The following CSNK1G1 variants were observed in gnomAD, a reference collection of about 807,000 sequenced individuals.
CSNK1G1 encodes casein kinase 1 gamma 1.
A neutral mutation model predicts 59.6 loss-of-function variants in CSNK1G1; 22 were observed. That is an observed-to-expected ratio of 0.37 (90% confidence interval 0.26 to 0.53). The LOEUF is 0.53. Among genes scored for constraint, CSNK1G1 ranks in the 20% least tolerant of loss-of-function variants. The pLI is 0.89. For missense variants in CSNK1G1, 384 were observed against 519.5 expected (o/e 0.74, Z 2.54); for synonymous variants, 179 against 177.1 (o/e 1.01, Z -0.08).
intron 6 of CSNK1G1, 52 bp from the exon 7 acceptor site, chr15:64,207,646 G>C: frequency 6.9e-7 from 1 of 1,449,298 alleles, no homozygotes; most frequent in Non-Finnish European, 9.7e-7. Flanking sequence ...AAAGCAGAAA[G>C]AGGTTCAAAA....
At chr15:64,231,190 G>A (rs1268603201) in intron 4 of CSNK1G1, among the ~76,000 whole-genome samples, 2 of 139,280 alleles carry the variant, frequency 1.4e-5, no homozygotes, top group Non-Finnish European at 3.0e-5. Flanking sequence ...AGTTGAGCGT[G>A]TGATGTATGC....
intron 5 of CSNK1G1, among the ~76,000 whole-genome samples, chr15:64,215,183 T>C (rs1209969907): frequency 6.6e-6 from 1 of 150,600 alleles, no homozygotes; most frequent in African/African-American, 2.4e-5. Flanking sequence ...AGTATTTCTA[T>C]CTACTAAGCT....
At chr15:64,196,597 G>A (rs1360275195) in intron 10 of CSNK1G1, among the ~76,000 whole-genome samples, 2 of 152,008 alleles carry the variant, frequency 1.3e-5, no homozygotes, top group Admixed American at 6.5e-5. Flanking sequence ...GATTACAGGC[G>A]GGCACCACCA....
chr15:64,173,082 C>G (rs1168447973), intron 11 of CSNK1G1, among the ~76,000 whole-genome samples: 1 of 152,134 alleles, frequency 6.6e-6, no homozygotes, highest in Non-Finnish European at 1.5e-5. Context: ...CTTGCTAGAT[C>G]CTTGAAAGAA....
At chr15:64,301,792 CAGG>C (rs1404623185) in intron 1 of CSNK1G1, among the ~76,000 whole-genome samples, 1 of 151,906 alleles carries the variant, frequency 6.6e-6, no homozygotes, top group Non-Finnish European at 1.5e-5. Flanking sequence ...GAGGCTGAGG[CAGG>C]AGAATAGCTT....
Position 64,300,444 on chromosome 15 carries a change from G to T in CSNK1G1, c.56C>A (p.Ala19Glu). 1 of 1,614,170 alleles carries T rather than the reference G, an allele frequency of 6.2e-7. No homozygotes were observed. Among genetic ancestry groups the T allele is most frequent in the Non-Finnish European group, 8.5e-7 (1 of 1,180,030 alleles). Reference protein sequence around the residue: ...DERQRTTKPMAQRSAHCSRPS... With the variant: ...DERQRTTKPMEQRSAHCSRPS... ...TCGAGAGCAGTGTGCACTCCTTTGT[G>T]CCATGGGTTTAGTTGTCCGTTGTCT... is the stretch of plus-strand genomic sequence containing the variant. Residue 19 changes from alanine to glutamate, a missense_variant, in exon 2 of 12, where the codon GCA becomes GAA. Coordinates refer to ENST00000303052, the MANE Select transcript of CSNK1G1 (RefSeq NM_022048.5).
chr15:64,227,546 T>G (rs1445656376), intron 4 of CSNK1G1, among the ~76,000 whole-genome samples: 1 of 152,216 alleles, frequency 6.6e-6, no homozygotes. Flanking sequence ...ATGAGACATC[T>G]AAATCATCTA....
chr15:64,198,130 G>A (rs2082059675), intron 10 of CSNK1G1, among the ~76,000 whole-genome samples: 1 of 150,682 alleles, frequency 6.6e-6, no homozygotes, highest in African/African-American at 2.4e-5. Flanking sequence ...CTGTCCATTT[G>A]GCTTATCTAC....
At chr15:64,350,209 A>G (rs1467627738) in intron 1 of CSNK1G1, among the ~76,000 whole-genome samples, 1 of 152,204 alleles carries the variant, frequency 6.6e-6, no homozygotes, top group Non-Finnish European at 1.5e-5. Flanking sequence ...AAATGGTTTT[A>G]TCGGCTGGTC....
intron 2 of CSNK1G1, among the ~76,000 whole-genome samples, chr15:64,286,979 CAT>C (rs1172191636): frequency 6.6e-6 from 1 of 152,104 alleles, no homozygotes; most frequent in Non-Finnish European, 1.5e-5. Context: ...TTTCTGGTAA[CAT>C]GTAATTATAT....
intron 1 of CSNK1G1, among the ~76,000 whole-genome samples, chr15:64,340,867 G>A (rs1389602522): frequency 6.6e-6 from 1 of 152,168 alleles, no homozygotes; most frequent in Non-Finnish European, 1.5e-5. Flanking sequence ...TGAGGTGGGA[G>A]GATCACTTAA....
rs1048394950 is a variant in CSNK1G1, at chr15:64,207,536, T to G, written c.738A>C (p.Arg246=). The G allele has an allele frequency of 1.9e-6, 3 of 1,613,912 alleles. No homozygotes were observed. The highest frequency in any genetic ancestry group is 2.5e-6 in the Non-Finnish European group (3 of 1,179,930). Residue 246 remains arginine (R), a synonymous_variant, in exon 7 of 12, where the codon CGA becomes CGC. Coordinates refer to ENST00000303052, the MANE Select transcript of CSNK1G1 (RefSeq NM_022048.5). ...TGAGTCCTTGCCAGGGGAGGCTGCC[T>G]CGAAGGAAATACATGAACATATGGC... ...ALGHMFMYFL[R]GSLPWQGLKA... is the part of the protein sequence containing the mutation.
Position 64,204,588 on chromosome 15 carries a change from C to T in CSNK1G1, c.852G>A (p.Glu284=), listed in dbSNP as rs775404791. The T allele has an allele frequency of 1.2e-6, 2 of 1,612,564 alleles. No homozygotes were observed. Among genetic ancestry groups the T allele is most frequent in the Non-Finnish European group, 1.7e-6 (2 of 1,179,570 alleles). ...CATATCGAAGGTAGGTTGCCATCTC[C>T]TCTGTTAGGAAAGAGATGAAAGGCC... ...PIEALCENFP[E]EMATYLRYVR... The change falls in exon 9 of 12, where the codon GAG becomes GAA. Residue 284 remains glutamate (E), a splice_region_variant and synonymous_variant. Coordinates refer to ENST00000303052, the MANE Select transcript of CSNK1G1 (RefSeq NM_022048.5).
At chr15:64,205,493 T>G (rs1451459709) in intron 7 of CSNK1G1, among the ~76,000 whole-genome samples, 2 of 152,152 alleles carry the variant, frequency 1.3e-5, no homozygotes, top group African/African-American at 4.8e-5. Context: ...ACAGGTTTGG[T>G]GTATGTCAGT....
chr15:64,285,385 C>A (rs1894353852), intron 2 of CSNK1G1, among the ~76,000 whole-genome samples: 3 of 151,938 alleles, frequency 2.0e-5, no homozygotes, highest in Non-Finnish European at 4.4e-5. Context: ...ATTGCCCAAA[C>A]CAACAAAACA....
At chr15:64,226,667 A>G (rs746440899) in intron 4 of CSNK1G1, among the ~76,000 whole-genome samples, 10 of 152,142 alleles carry the variant, frequency 6.6e-5, no homozygotes, top group Admixed American at 2.0e-4. Flanking sequence ...ATGAGATTAA[A>G]AAATCCAGTA....
At chr15:64,344,725 C>G (rs908233898) in intron 1 of CSNK1G1, among the ~76,000 whole-genome samples, 1 of 152,210 alleles carries the variant, frequency 6.6e-6, no homozygotes, top group Non-Finnish European at 1.5e-5. Context: ...TAAGACTACA[C>G]TGAATTCCAG....
chr15:64,280,611 C>T (rs1229112236), intron 2 of CSNK1G1, among the ~76,000 whole-genome samples: 3 of 152,140 alleles, frequency 2.0e-5, no homozygotes, highest in African/African-American at 7.2e-5. Flanking sequence ...CTGCCCGGCT[C>T]GGCCTCCCAA....
intron 5 of CSNK1G1, among the ~76,000 whole-genome samples, chr15:64,215,911 T>C (rs148198625): frequency 1.4e-4 from 21 of 152,242 alleles, no homozygotes; most frequent in African/African-American, 4.6e-4. Flanking sequence ...AGATAGGACA[T>C]GACAAAACCT....
Sources: allele counts gnomAD v4.1 joint callset (sites outside exome capture counted in the v4.1 genomes callset), GRCh38; gene constraint gnomAD v4.1.1; transcripts MANE v1.5; gene names NCBI Gene and HGNC (gene_info 2026-07-23, HGNC 2026-07-21).